The following EGF variants were observed in gnomAD, a reference collection of about 807,000 sequenced individuals.
EGF encodes the protein epidermal growth factor.
Under a neutral mutation model 143.8 loss-of-function variants are expected in EGF, and 95 were observed. The ratio of observed to expected loss-of-function variants is 0.66; its 90% CI spans 0.56 to 0.78. The LOEUF is 0.78. Among genes scored for constraint, EGF ranks in the 30% least tolerant of loss-of-function variants. The pLI, the probability that EGF is intolerant of heterozygous loss-of-function variation, is 0.00. For missense variants in EGF, 1,320 were observed against 1,470.9 expected (o/e 0.90, Z 1.68); for synonymous variants, 510 against 510.5 (o/e 1.00, Z 0.01).
rs191751440 is a variant in EGF at position 109,990,297 on chromosome 4, A to G, written c.2734+1588A>G. Among the ~76,000 whole-genome samples, 902 of 152,362 alleles carry G rather than the reference A, an allele frequency of 5.9e-3. 6 individuals are homozygous for G. The highest frequency in any genetic ancestry group is 9.9e-3 in the South Asian group (48 of 4,832). On this transcript the variant is annotated intron_variant, in intron 18 of 23. Transcript: ENST00000265171. ...GTGACCTAAAAGAAATATAACTGTGATCAGTGATGAAGAAGAGTGCACATC... is the reference window on the plus strand; with the variant it reads ...GTGACCTAAAAGAAATATAACTGTGGTCAGTGATGAAGAAGAGTGCACATC...
At position 109,916,293 on chromosome 4, in the gene EGF, A is replaced by AT. The variant is rs1049789027; in HGVS notation, c.127+2839dup. 4.0e-5 allele frequency among the ~76,000 whole-genome samples: 6 copies of AT among 151,686 alleles called. No homozygotes were observed. The East Asian group carries it at 5.8e-4, about 15-fold the overall frequency. The stretch of plus-strand genomic sequence containing the variant: ...CTGTTTTTTCAGCCAGGGTTATGCG[A>AT]TTTTTTTTCTTTTTTTCTAACAGCA... On this transcript the variant is annotated intron_variant, in intron 1 of 23. Coordinates refer to ENST00000265171, the MANE Select transcript of EGF (RefSeq NM_001963.6).
chr4:109,928,762 G>C (rs1045654037), intron 1 of EGF, among the ~76,000 whole-genome samples: 14 of 152,196 alleles, frequency 9.2e-5, no homozygotes, highest in Non-Finnish European at 1.5e-5. Flanking sequence ...GCTACAAAAA[G>C]TCTGTTTTGT....
rs1325124883 is a variant in EGF at position 109,945,092 on chromosome 4, T to C, written c.757T>C (p.Ser253Pro). Residue 253 changes from serine to proline, a missense_variant, in exon 5 of 24, where the codon TCC becomes CCC. Physicochemically the swap from Ser to Pro is moderately conservative, Grantham distance 74 (BLOSUM62 -1). Around this residue, in one of 5 missense-constraint regions of EGF, gnomAD observed 1,186 missense variants for 1,313.7 expected, o/e 0.90. Coordinates refer to ENST00000265171, the MANE Select transcript of EGF (RefSeq NM_001963.6). ...HPTQHNLFAM[S>P]LFGDRIFYST... ...TTTTAGGCATAATTTGTTTGCAATG[T>C]CCCTTTTTGGTGACCGTATCTTCTA... The C allele has an allele frequency of 6.2e-7, 1 of 1,614,216 alleles. No homozygotes were observed. The highest frequency in any genetic ancestry group is 1.3e-5 in the African/African-American group (1 of 75,072).
At chr4:110,004,739 G>A in intron 22 of EGF, 117 bp downstream of exon 22, 1 of 614,416 alleles carries the variant, frequency 1.6e-6, no homozygotes, top group Non-Finnish European at 2.6e-6. Flanking sequence ...TCCAGCTGGT[G>A]TCAGTGTTAG....
In EGF at chr4:109,994,837, G is replaced by A. The variant is rs1169293764; in HGVS notation, c.2962G>A (p.Gly988Ser). Residue 988 changes from glycine to serine, a missense_variant, in exon 20 of 24, where the codon GGT becomes AGT. Physicochemically the swap from Gly to Ser is moderately conservative, Grantham distance 56. Transcript: ENST00000265171. ...LSHDGYCLHD[G>S]VCMYIEALDK... ...CCACGATGGGTACTGCCTCCATGAT[G>A]GTGTGTGCATGTATATTGAAGCATT... 2 of 1,614,006 alleles carry A rather than the reference G, an allele frequency of 1.2e-6. No individual in the cohort carries two copies. The highest frequency in any genetic ancestry group is 1.1e-5 in the South Asian group (1 of 91,092).
At chr4:109,972,062 C>T (rs1250863036) in intron 11 of EGF, among the ~76,000 whole-genome samples, 1 of 152,006 alleles carries the variant, frequency 6.6e-6, no homozygotes, top group East Asian at 1.9e-4. Context: ...AAAAATCACT[C>T]TTCTAGGGTT....
At chr4:109,935,874 C>T (rs1036314451) in intron 1 of EGF, among the ~76,000 whole-genome samples, 1 of 152,168 alleles carries the variant, frequency 6.6e-6, no homozygotes, top group Middle Eastern at 3.2e-3. Context: ...TTGAACCAGT[C>T]TTGCATCCCA....
rs200352311 is a variant in EGF at position 109,997,001 on chromosome 4, AT to A, written c.3005+2132del. On this transcript the variant is annotated intron_variant, in intron 20 of 23. Transcript: ENST00000265171. ...AGAGATGCATCATACTCTACCCTCA[AT>A]TTTTTTTTTTCAGGAGACCATCGTC... Among the ~76,000 whole-genome samples, 637 of 147,974 alleles carry A rather than the reference AT, an allele frequency of 4.3e-3. 4 individuals carry two copies. Among genetic ancestry groups the A allele is most frequent in the African/African-American group, 0.013 (508 of 40,418 alleles).
chr4:109,953,559 C>T (rs1349702286), intron 5 of EGF, among the ~76,000 whole-genome samples: 1 of 152,174 alleles, frequency 6.6e-6, no homozygotes, highest in East Asian at 1.9e-4. Flanking sequence ...CCAGTATCCT[C>T]CAAAGGTCAC....
At chr4:109,984,962 T>G (rs1188327591) in intron 16 of EGF, among the ~76,000 whole-genome samples, 3 of 152,152 alleles carry the variant, frequency 2.0e-5, no homozygotes, top group African/African-American at 7.2e-5. Context: ...CCACAGTTAG[T>G]TGTGGAGACA....
At chr4:110,009,442 A>G (rs367930978) in intron 23 of EGF, among the ~76,000 whole-genome samples, 11 of 152,236 alleles carry the variant, frequency 7.2e-5, no homozygotes, top group African/African-American at 2.7e-4. Context: ...ATAGAGGCAC[A>G]TATAATGTAA....
intron 5 of EGF, among the ~76,000 whole-genome samples, chr4:109,952,880 C>A (rs1161179830): frequency 6.6e-6 from 1 of 152,182 alleles, no homozygotes; most frequent in Non-Finnish European, 1.5e-5. Flanking sequence ...TTTCTTGCTG[C>A]TGGCTCTCAC....
intron 5 of EGF, among the ~76,000 whole-genome samples, chr4:109,957,131 A>G (rs1744918224): frequency 6.6e-6 from 1 of 152,170 alleles, no homozygotes; most frequent in African/African-American, 2.4e-5. Flanking sequence ...GTTATTGGTC[A>G]TGTCTAGTGA....
intron 13 of EGF, among the ~76,000 whole-genome samples, chr4:109,979,154 T>G (rs1407449720): frequency 6.6e-6 from 1 of 152,174 alleles, no homozygotes; most frequent in African/African-American, 2.4e-5. Flanking sequence ...GCCCACTTAC[T>G]GTTAGTAGGA....
At chr4:109,984,255 A>G (rs1749805090) in intron 16 of EGF, among the ~76,000 whole-genome samples, 1 of 152,054 alleles carries the variant, frequency 6.6e-6, no homozygotes, top group Non-Finnish European at 1.5e-5. Context: ...GCAAAAAAAA[A>G]AAAGGAAAAT....
In EGF at chr4:109,989,009, C is replaced by A. The variant is rs570686508; in HGVS notation, c.2734+300C>A. On this transcript the variant is annotated intron_variant, in intron 18 of 23. Coordinates refer to ENST00000265171, the MANE Select transcript of EGF (RefSeq NM_001963.6). ...ACACCAGTGTCTCATCAATACTTCC[C>A]ACCTTGAGCCATCATGGGGGGAGTT... Among the ~76,000 whole-genome samples, 5 of 152,136 alleles carry A rather than the reference C, an allele frequency of 3.3e-5. No individual in the cohort carries two copies. The East Asian group carries it at 9.6e-4, about 29-fold the overall frequency.
chr4:109,935,406 A>G lies in EGF; in HGVS notation c.128-5540A>G, dbSNP rs182975127. Among the ~76,000 whole-genome samples, 25 of 152,320 alleles carry G rather than the reference A, an allele frequency of 1.6e-4. No individual in the cohort carries two copies. In the East Asian group the frequency reaches 4.6e-3, roughly 28 times the overall value. ...TGTGATTTTTGCACATTGATTTTGT[A>G]TCCTGAGAGTTTGCTGAAGTTGCCT... On this transcript the variant is annotated intron_variant, in intron 1 of 23. Transcript: ENST00000265171.
chr4:110,011,097 T>G, intron 23 of EGF, 105 bp from the exon 24 acceptor site: 8 of 1,326,520 alleles, frequency 6.0e-6, no homozygotes, highest in Non-Finnish European at 8.4e-6. Context: ...GTTATCTTTG[T>G]GTCTCATTTT....
intron 5 of EGF, among the ~76,000 whole-genome samples, chr4:109,945,984 C>T (rs1203946179): frequency 6.6e-6 from 1 of 152,160 alleles, no homozygotes; most frequent in Non-Finnish European, 1.5e-5. Flanking sequence ...TTCTGCATCT[C>T]TTTCTTTTTA....
Sources: gnomAD v4.1 joint callset for allele counts (sites outside exome capture counted in the v4.1 genomes callset) on GRCh38, gnomAD v4.1.1 for gene constraint, gnomAD v4.1.1 regional missense constraint, MANE v1.5 for transcripts, NCBI Gene and HGNC (gene_info 2026-07-23, HGNC 2026-07-21) for gene names.